Variants in PDE12 observed in about 807,000 individuals in gnomAD.
PDE12 encodes phosphodiesterase 12.
Under a neutral mutation model 45.4 loss-of-function variants are expected in PDE12, and 26 were observed. That is an observed-to-expected ratio of 0.57 (90% CI 0.42 to 0.79). The LOEUF (loss-of-function observed/expected upper bound fraction) is 0.79. PDE12 is among the 30% of genes least tolerant of loss of function. The probability of loss-of-function intolerance (pLI) is 0.00; values close to 1 mark genes in which losing one functional copy is unlikely to be tolerated. For missense variants in PDE12, 668 were observed against 790.0 expected, an observed-to-expected ratio of 0.85 and a Z score of 1.85; for synonymous variants, 283 against 323.9, an observed-to-expected ratio of 0.87 and a Z score of 1.36.
the PDE12 span, among the ~76,000 whole-genome samples, chr3:57,649,079 G>C: frequency 6.6e-6 from 1 of 152,116 alleles, no homozygotes; most frequent in Non-Finnish European, 1.5e-5. Context: ...ACAACTCACA[G>C]AATAGGAGAA....
the PDE12 span, among the ~76,000 whole-genome samples, chr3:57,580,706 C>A: frequency 6.6e-6 from 1 of 152,102 alleles, no homozygotes. Context: ...GAAACCTACC[C>A]TTTACAAGAG....
chr3:57,604,818 G>C, the PDE12 span, among the ~76,000 whole-genome samples: 12 of 151,686 alleles, frequency 7.9e-5, no homozygotes, highest in Admixed American at 7.9e-4. Flanking sequence ...TTGCTTTGTT[G>C]CCTAGGCTGG....
the PDE12 span, among the ~76,000 whole-genome samples, chr3:57,633,764 C>T: frequency 2.0e-5 from 3 of 151,928 alleles, no homozygotes; most frequent in African/African-American, 7.3e-5. Flanking sequence ...GTGGCGGGCA[C>T]CTGTAATCCC....
chr3:57,577,432 T>C, the PDE12 span: 1 of 1,490,666 alleles, frequency 6.7e-7, no homozygotes, highest in East Asian at 2.3e-5. Flanking sequence ...TAAACGACAC[T>C]CTCTATATGA....
chr3:57,625,546 G>C, the PDE12 span: 10 of 152,376 alleles, frequency 6.6e-5, no homozygotes, highest in African/African-American at 2.4e-4. Flanking sequence ...GAAGGCACTA[G>C]GCATTACATA....
the PDE12 span, among the ~76,000 whole-genome samples, chr3:57,586,957 A>ACG: frequency 3.5e-4 from 53 of 151,086 alleles, no homozygotes; most frequent in South Asian, 6.2e-4. Flanking sequence ...ACACACACGC[A>ACG]CACACACAAA....
the PDE12 span, among the ~76,000 whole-genome samples, chr3:57,586,783 A>G: frequency 1.4e-4 from 21 of 152,348 alleles, no homozygotes; most frequent in Non-Finnish European, 2.4e-4. Context: ...GTAACAAGAT[A>G]TAAAACAAAG....
At chr3:57,642,878 C>T in the PDE12 span, among the ~76,000 whole-genome samples, 6 of 151,944 alleles carry the variant, frequency 3.9e-5, no homozygotes, top group East Asian at 1.2e-3. Context: ...TGGTGGCAGG[C>T]GCCTGTAATC....
At chr3:57,618,486 G>A in the PDE12 span, among the ~76,000 whole-genome samples, 1 of 151,834 alleles carries the variant, frequency 6.6e-6, no homozygotes, top group African/African-American at 2.4e-5. Flanking sequence ...GCATGGTACG[G>A]TGATGGCTCA....
At chr3:57,587,295 GACA>G in the PDE12 span, among the ~76,000 whole-genome samples, 1 of 122,916 alleles carries the variant, frequency 8.1e-6, no homozygotes, top group Non-Finnish European at 1.6e-5. Flanking sequence ...CTACAGCCTG[GACA>G]ACAAGAGCGG....
At chr3:57,598,052 G>C in the PDE12 span, 1 of 152,204 alleles carries the variant, frequency 6.6e-6, no homozygotes, top group Non-Finnish European at 1.5e-5. Flanking sequence ...TAAAGAGAAG[G>C]CAAGGAGGAA....
At chr3:57,581,753 T>C in the PDE12 span, among the ~76,000 whole-genome samples, 55 of 152,218 alleles carry the variant, frequency 3.6e-4, no homozygotes, top group Middle Eastern at 3.4e-3. Context: ...TGAGCCAAGA[T>C]TGCGCCATAG....
At chr3:57,594,735 A>G in the PDE12 span, among the ~76,000 whole-genome samples, 1 of 152,236 alleles carries the variant, frequency 6.6e-6, no homozygotes, top group Admixed American at 6.5e-5. Flanking sequence ...TAAGCTTTAT[A>G]AAGAAAAACG....
the PDE12 span, chr3:57,628,946 T>C: frequency 6.9e-7 from 1 of 1,454,024 alleles, no homozygotes; most frequent in Non-Finnish European, 9.5e-7. Flanking sequence ...CCTCTCTATT[T>C]CAATAGGTAA....
the PDE12 span, among the ~76,000 whole-genome samples, chr3:57,643,316 G>A: frequency 6.6e-6 from 1 of 152,092 alleles, no homozygotes; most frequent in East Asian, 1.9e-4. Flanking sequence ...GGGGAGAAAA[G>A]AGGGAGACAA....
chr3:57,628,072 T>C, the PDE12 span: 654 of 1,241,034 alleles, frequency 5.3e-4, 6 homozygotes, highest in Middle Eastern at 4.2e-3. Context: ...GTTTATACAA[T>C]ACAGTCTTTC....
chr3:57,642,183 G>A, the PDE12 span, among the ~76,000 whole-genome samples: 1 of 151,794 alleles, frequency 6.6e-6, no homozygotes, highest in South Asian at 2.1e-4. Flanking sequence ...GCGTACTGGT[G>A]GGCACCTGTA....
chr3:57,630,487 A>C, the PDE12 span: 6 of 1,592,338 alleles, frequency 3.8e-6, no homozygotes, highest in South Asian at 1.2e-5. Context: ...TCCGGGTCTT[A>C]AACCAGCCAT....
the PDE12 span, among the ~76,000 whole-genome samples, chr3:57,643,789 T>G: frequency 6.8e-6 from 1 of 146,766 alleles, no homozygotes; most frequent in Middle Eastern, 3.5e-3. Flanking sequence ...GTCATGCCAC[T>G]GCACTCCAGC....
Sources: allele counts gnomAD v4.1 joint callset (sites outside exome capture counted in the v4.1 genomes callset), GRCh38; gene constraint gnomAD v4.1.1; transcripts MANE v1.5; gene names NCBI Gene and HGNC (gene_info 2026-07-23, HGNC 2026-07-21).